EHBP1: variants seen among roughly 807,000 people sequenced by gnomAD.
The protein encoded by EHBP1 is EH domain binding protein 1.
A neutral mutation model predicts 144.0 loss-of-function variants in EHBP1; 55 were observed. The observed-to-expected ratio is 0.38, with a 90% CI of 0.31 to 0.48. EHBP1 has a LOEUF of 0.48. Among genes scored for constraint, EHBP1 ranks in the 20% least tolerant of loss-of-function variants. EHBP1 has a pLI of 0.98. For synonymous variants in EHBP1, 469 were observed against 472.7 expected (o/e 0.99, Z 0.10); for missense variants, 1,200 against 1,364.2 (o/e 0.88, Z 1.90).
intron 19 of EHBP1, among the ~76,000 whole-genome samples, chr2:63,019,552 C>T (rs1054923242): frequency 4.0e-5 from 6 of 151,526 alleles, no homozygotes; most frequent in African/African-American, 1.5e-4. Flanking sequence ...ACTAAAAATA[C>T]AAAAATTAGC....
At chr2:62,678,685 C>T (rs1339050851) in intron 1 of EHBP1, among the ~76,000 whole-genome samples, 1 of 151,914 alleles carries the variant, frequency 6.6e-6, no homozygotes, top group Non-Finnish European at 1.5e-5. Flanking sequence ...AATTTCTCAA[C>T]ATCATTAATA....
intron 4 of EHBP1, among the ~76,000 whole-genome samples, chr2:62,765,121 T>C (rs770668443): frequency 1.3e-5 from 2 of 152,138 alleles, no homozygotes; most frequent in Non-Finnish European, 2.9e-5. Flanking sequence ...AAAGGCTTAA[T>C]TGAATTACGC....
At chr2:62,889,401 A>C (rs1352286082) in intron 10 of EHBP1, among the ~76,000 whole-genome samples, 2 of 152,016 alleles carry the variant, frequency 1.3e-5, no homozygotes, top group African/African-American at 4.8e-5. Flanking sequence ...TCTTCAGTTT[A>C]ATTAAATCCC....
Position 63,045,354 on chromosome 2 carries a change from C to T in EHBP1, c.3393-56C>T. 2.0e-6 allele frequency: 3 copies of T among 1,520,858 alleles called. No homozygotes were observed. Among genetic ancestry groups the T allele is most frequent in the East Asian group, 2.3e-5 (1 of 44,378 alleles). 94.2% of individuals were successfully genotyped at this position (1,520,858 alleles called of 1,614,324 possible). A position where few individuals can be genotyped will look rare whatever the true frequency, so the allele number is the denominator to read the frequency against. The stretch of plus-strand genomic sequence containing the variant: ...GGGCGACGGGGGAGTGCTGCTCTGC[C>T]CTCCACGAAGAAAAATAATTTTGTT... On this transcript the variant is annotated intron_variant, in intron 22 of 22. Coordinates refer to ENST00000431489, the MANE Select transcript of EHBP1 (RefSeq NM_001142616.3). This position sits in a 1 kb window ranked among gnomAD's most constrained non-coding sequence, Gnocchi z 5.7.
At chr2:63,035,655 A>C (rs1035593679) in intron 19 of EHBP1, among the ~76,000 whole-genome samples, 1 of 152,054 alleles carries the variant, frequency 6.6e-6, no homozygotes, top group African/African-American at 2.4e-5. Context: ...GGTTATGAAC[A>C]CAAGAATTAA....
intron 3 of EHBP1, among the ~76,000 whole-genome samples, chr2:62,749,884 C>T (rs893436390): frequency 1.3e-5 from 2 of 152,076 alleles, no homozygotes; most frequent in African/African-American, 4.8e-5. Context: ...TGGATATTAG[C>T]CTTTTGTCAG....
intron 19 of EHBP1, among the ~76,000 whole-genome samples, chr2:63,012,517 TC>T (rs2060310708): frequency 6.6e-6 from 1 of 152,170 alleles, no homozygotes; most frequent in Non-Finnish European, 1.5e-5. Context: ...GACTTTTTTT[TC>T]ATTTATGCCA....
intron 19 of EHBP1, among the ~76,000 whole-genome samples, chr2:63,021,214 C>T (rs559037172): frequency 2.0e-5 from 3 of 152,124 alleles, no homozygotes; most frequent in African/African-American, 7.2e-5. Context: ...CATACACCCA[C>T]TTATACTCTC....
chr2:62,767,262 A>G (rs1418432900), intron 4 of EHBP1, among the ~76,000 whole-genome samples: 4 of 152,178 alleles, frequency 2.6e-5, no homozygotes, highest in East Asian at 1.9e-4. Flanking sequence ...CTGCTTCTTA[A>G]TAGTACATTT....
chr2:62,725,504 G>A (rs2036680844), intron 2 of EHBP1, among the ~76,000 whole-genome samples: 1 of 152,236 alleles, frequency 6.6e-6, no homozygotes, highest in Admixed American at 6.5e-5. Flanking sequence ...ACAAGTCTGT[G>A]TGCACTGTGT....
chr2:62,797,840 A>G lies in EHBP1; in HGVS notation c.312+26448A>G, dbSNP rs563850500. ...GGTCTAAGTTTCCTTCTTCATCTGTAAACAGGGGTAATAGTACCAGCCTTA... is the reference window on the plus strand; with the variant it reads ...GGTCTAAGTTTCCTTCTTCATCTGTGAACAGGGGTAATAGTACCAGCCTTA... On this transcript the variant is annotated intron_variant, in intron 5 of 22. Transcript: ENST00000431489. Among the ~76,000 whole-genome samples the G allele has an allele frequency of 4.6e-5, 7 of 152,326 alleles. No homozygotes were observed. The South Asian group carries it at 1.0e-3, about 23-fold the overall frequency.
intron 10 of EHBP1, among the ~76,000 whole-genome samples, chr2:62,915,097 T>C (rs906517818): frequency 6.6e-6 from 1 of 152,090 alleles, no homozygotes; most frequent in Non-Finnish European, 1.5e-5. Flanking sequence ...TTCCCTTTCA[T>C]TAATGTTTTT....
intron 14 of EHBP1, among the ~76,000 whole-genome samples, chr2:62,973,828 C>A (rs946862934): frequency 6.6e-6 from 1 of 152,014 alleles, no homozygotes; most frequent in African/African-American, 2.4e-5. Flanking sequence ...GACGAAACCC[C>A]ATCTCTCCAA....
intron 2 of EHBP1, among the ~76,000 whole-genome samples, chr2:62,713,176 A>G (rs542774777): frequency 1.4e-4 from 21 of 151,932 alleles, no homozygotes; most frequent in African/African-American, 4.6e-4. Flanking sequence ...GTGTGGACAG[A>G]TTATTTGTGT....
intron 2 of EHBP1, among the ~76,000 whole-genome samples, chr2:62,730,167 T>C (rs978851029): frequency 6.6e-6 from 1 of 152,042 alleles, no homozygotes; most frequent in African/African-American, 2.4e-5. Context: ...TACAGACAAT[T>C]TTCATATACC....
intron 14 of EHBP1, among the ~76,000 whole-genome samples, chr2:62,972,147 A>G (rs757623217): frequency 1.3e-5 from 2 of 152,196 alleles, no homozygotes; most frequent in Admixed American, 6.5e-5. Flanking sequence ...CATGGTAAAC[A>G]TGATTTACTT....
intron 9 of EHBP1, among the ~76,000 whole-genome samples, chr2:62,872,786 A>T (rs570161386): frequency 2.6e-4 from 39 of 152,118 alleles, no homozygotes; most frequent in Non-Finnish European, 4.7e-4. Context: ...GGCTACAACT[A>T]ATCTACTTTC....
At chr2:62,857,208 A>G (rs137971478) in intron 7 of EHBP1, among the ~76,000 whole-genome samples, 17 of 152,016 alleles carry the variant, frequency 1.1e-4, no homozygotes, top group African/African-American at 4.1e-4. Flanking sequence ...AGCAAAAAAA[A>G]CCTCTTTACT....
At chr2:62,726,465 C>G (rs2036798650) in intron 2 of EHBP1, among the ~76,000 whole-genome samples, 1 of 152,234 alleles carries the variant, frequency 6.6e-6, no homozygotes, top group Non-Finnish European at 1.5e-5. Flanking sequence ...GCTCTCAGTA[C>G]TTTTCCTCTG....
Sources: gnomAD v4.1 joint callset for allele counts (sites outside exome capture counted in the v4.1 genomes callset) on GRCh38, gnomAD v4.1.1 for gene constraint, Gnocchi (gnomAD v3.1) non-coding constraint, MANE v1.5 for transcripts, NCBI Gene and HGNC (gene_info 2026-07-23, HGNC 2026-07-21) for gene names.